The following HERC2 variants were observed in gnomAD, a reference collection of about 807,000 sequenced individuals.
HERC2 encodes E3 ubiquitin-protein ligase HERC2.
HERC2 carries 102 observed loss-of-function variants against 537.7 expected under a neutral mutation model. The ratio of observed to expected loss-of-function variants is 0.19; its 90% confidence interval spans 0.16 to 0.22. The LOEUF (loss-of-function observed/expected upper bound fraction) is 0.22. Among genes scored for constraint, HERC2 ranks in the 10% least tolerant of loss-of-function variants. The pLI, the probability that HERC2 is intolerant of heterozygous loss-of-function variation, is 1.00. For missense variants in HERC2, 4,236 were observed against 6,198.2 expected (o/e 0.68, Z 10.63); for synonymous variants, 2,224 against 2,466.2 (o/e 0.90, Z 2.91).
At chr15:28,147,748 A>C (rs1891914751) in intron 70 of HERC2, among the ~76,000 whole-genome samples, 1 of 152,162 alleles carries the variant, frequency 6.6e-6, no homozygotes, top group Non-Finnish European at 1.5e-5. Flanking sequence ...GAAAAAGGGA[A>C]TAGGCTGGGT....
At position 28,174,516 on chromosome 15, in the gene HERC2, T is replaced by C. The variant is rs879161402; in HGVS notation, c.9936A>G (p.Thr3312=). 7.4e-6 allele frequency: 12 copies of C among 1,613,938 alleles called. No homozygotes were observed. Among genetic ancestry groups the C allele is most frequent in the East Asian group, 2.2e-5 (1 of 44,892 alleles). The part of the protein sequence containing the change: ...LVQGLEGQKI[T]RVACGSSHSV... ...TGTGGGACGACCCACAAGCCACGCG[T>C]GTGATCTTCTGGCCTTCTAAGCCTT... The change falls in exon 65 of 93, where the codon ACA becomes ACG. Residue 3312 remains threonine (T), a synonymous_variant. Transcript: ENST00000261609.
At chr15:28,279,012 TC>T (rs1376798334) in intron 5 of HERC2, among the ~76,000 whole-genome samples, 1 of 152,212 alleles carries the variant, frequency 6.6e-6, no homozygotes, top group African/African-American at 2.4e-5. Flanking sequence ...TTTTTTTGCT[TC>T]TTTTTGAGAC....
In HERC2 at chr15:28,114,719, G is replaced by A. The variant is rs1462783910; in HGVS notation, c.13806C>T (p.Pro4602=). ...GGCCACTGGCACTTGGCACTGTGAAGGGCAGGCTCATGGCTTCAAACTCCT... is the reference window on the plus strand; with the variant it reads ...GGCCACTGGCACTTGGCACTGTGAAAGGCAGGCTCATGGCTTCAAACTCCT... ...TSEEFEAMSL[P]FTVPSASGQD... is the part of the protein sequence containing the mutation. The change falls in exon 90 of 93, where the codon CCC becomes CCT. Residue 4602 remains proline, a synonymous_variant. Transcript: ENST00000261609. 1.2e-6 allele frequency: 2 copies of A among 1,614,162 alleles called. No homozygotes were observed. Among genetic ancestry groups the A allele is most frequent in the South Asian group, 1.1e-5 (1 of 91,082 alleles).
chr15:28,148,424 G>T (rs1263275625), intron 70 of HERC2, among the ~76,000 whole-genome samples: 1 of 152,122 alleles, frequency 6.6e-6, no homozygotes, highest in Non-Finnish European at 1.5e-5. Context: ...CATGAACTAT[G>T]CAATGCATGG....
intron 71 of HERC2, 23 bp downstream of exon 71, chr15:28,146,214 C>T (rs909199048): frequency 7.1e-6 from 11 of 1,542,342 alleles, no homozygotes; most frequent in Non-Finnish European, 9.0e-6. Context: ...TAGATCATGC[C>T]CTGCTCAACC....
intron 35 of HERC2, among the ~76,000 whole-genome samples, chr15:28,224,497 C>G (rs2140531851): frequency 6.6e-6 from 1 of 152,300 alleles, no homozygotes; most frequent in East Asian, 1.9e-4. Context: ...GCTAGGATTA[C>G]AGCCTGGCCT....
intron 92 of HERC2, among the ~76,000 whole-genome samples, chr15:28,112,858 G>A (rs573745581): frequency 6.6e-6 from 1 of 152,304 alleles, no homozygotes; most frequent in African/African-American, 2.4e-5. Flanking sequence ...GGGATGGCCA[G>A]ATACATTTTT....
At chr15:28,175,405 C>T in intron 64 of HERC2, 107 bp downstream of exon 64, 1 of 1,103,162 alleles carries the variant, frequency 9.1e-7, no homozygotes, top group Non-Finnish European at 1.3e-6. Flanking sequence ...TAAGACTCAG[C>T]TGATTTCATC....
chr15:28,317,866 T>C (rs1279433172), intron 2 of HERC2, among the ~76,000 whole-genome samples: 1 of 152,244 alleles, frequency 6.6e-6, no homozygotes, highest in Non-Finnish European at 1.5e-5. Context: ...GTGACCTCTC[T>C]AGTTTCTTTA....
intron 70 of HERC2, among the ~76,000 whole-genome samples, chr15:28,148,754 G>A (rs1488014038): frequency 6.6e-6 from 1 of 150,866 alleles, no homozygotes; most frequent in African/African-American, 2.4e-5. Context: ...TAAAACTACC[G>A]AAGAAACACA....
intron 17 of HERC2, 94 bp downstream of exon 17, chr15:28,256,967 A>G: frequency 9.8e-7 from 1 of 1,020,074 alleles, no homozygotes; most frequent in East Asian, 2.4e-5. Flanking sequence ...TTCACCGAAC[A>G]GGCTAAAACC....
chr15:28,163,645 G>A (rs943325527), intron 68 of HERC2, among the ~76,000 whole-genome samples: 2 of 152,112 alleles, frequency 1.3e-5, no homozygotes, highest in African/African-American at 4.8e-5. Flanking sequence ...CATAAGATAC[G>A]CTAGGGAATC....
chr15:28,299,376 A>G lies in HERC2; in HGVS notation c.187+26T>C, dbSNP rs776105188. ...CATTTTATAATGGTCTTTACCAAAT[A>G]AAAAACACTAGTTAAAGGCCCTTAC... is the stretch of plus-strand genomic sequence containing the variant. On this transcript the variant is annotated intron_variant, in intron 3 of 92. Transcript: ENST00000261609. 8 of 977,408 alleles carry G rather than the reference A, an allele frequency of 8.2e-6. No individual in the cohort carries two copies. In the African/African-American group the frequency reaches 1.1e-4, roughly 14 times the overall value. The allele number at this position is 977,408 out of a possible 1,614,324, so 60.5% of individuals were successfully genotyped here. A position where few individuals can be genotyped will look rare whatever the true frequency, so the allele number is the denominator to read the frequency against.
intron 71 of HERC2, among the ~76,000 whole-genome samples, 200 bp downstream of exon 71, chr15:28,146,037 A>G (rs1891696527): frequency 6.6e-6 from 1 of 152,234 alleles, no homozygotes; most frequent in Admixed American, 6.5e-5. Context: ...TGGTACATAC[A>G]TCACAGATAA....
intron 81 of HERC2, among the ~76,000 whole-genome samples, chr15:28,131,456 G>A (rs1053512502): frequency 8.5e-5 from 13 of 152,208 alleles, no homozygotes; most frequent in Non-Finnish European, 1.8e-4. Context: ...TGGGCTACAC[G>A]GCAGTGTGGT....
intron 65 of HERC2, among the ~76,000 whole-genome samples, chr15:28,170,576 A>G (rs1181300038): frequency 2.0e-5 from 3 of 152,234 alleles, no homozygotes; most frequent in Non-Finnish European, 4.4e-5. Flanking sequence ...AAAATAGGAG[A>G]CAGTCTTTAG....
intron 6 of HERC2, 105 bp from the exon 7 acceptor site, chr15:28,274,552 C>G: frequency 7.5e-7 from 1 of 1,327,580 alleles, no homozygotes; most frequent in Admixed American, 2.4e-5. Flanking sequence ...TTTCCAATCC[C>G]TCACTCAACA....
intron 46 of HERC2, 23 bp downstream of exon 46, chr15:28,202,324 C>T: frequency 6.2e-7 from 1 of 1,613,490 alleles, no homozygotes; most frequent in Admixed American, 1.7e-5. Flanking sequence ...CATACACAAG[C>T]AGAGGCCAGG....
chr15:28,222,787 G>A (rs1444865767), intron 35 of HERC2, among the ~76,000 whole-genome samples: 1 of 152,124 alleles, frequency 6.6e-6, no homozygotes, highest in African/African-American at 2.4e-5. Context: ...TGCTTTCCTT[G>A]TTCTGGAACT....
Sources: allele counts gnomAD v4.1 joint callset (sites outside exome capture counted in the v4.1 genomes callset), GRCh38; gene constraint gnomAD v4.1.1; transcripts MANE v1.5; gene names NCBI Gene and HGNC (gene_info 2026-07-23, HGNC 2026-07-21).